LRRTM3: variants seen among roughly 807,000 people sequenced by gnomAD.
LRRTM3 encodes leucine rich repeat transmembrane neuronal 3, also known as leucine-rich repeat transmembrane neuronal protein 3.
LRRTM3 carries 24 observed loss-of-function variants against 44.7 expected under a neutral mutation model. The observed-to-expected ratio is 0.54, with a 90% CI of 0.39 to 0.76. The LOEUF (loss-of-function observed/expected upper bound fraction) is 0.76, where lower values mean the gene tolerates loss of function less well. Among genes scored for constraint, LRRTM3 ranks in the 30% least tolerant of loss-of-function variants. LRRTM3 has a pLI of 0.00. For synonymous variants in LRRTM3, 277 were observed against 278.7 expected, an observed-to-expected ratio of 0.99 and a Z score of 0.06; for missense variants, 587 against 702.2, an observed-to-expected ratio of 0.84 and a Z score of 1.85.
chr10:67,083,220 TA>T (rs1278012958), intron 2 of LRRTM3, among the ~76,000 whole-genome samples: 2 of 152,054 alleles, frequency 1.3e-5, no homozygotes, highest in African/African-American at 2.4e-5. Flanking sequence ...TGTCCTCAAG[TA>T]AAAAGAAAGT....
At chr10:67,031,076 C>T (rs1413648440) in intron 2 of LRRTM3, among the ~76,000 whole-genome samples, 3 of 152,214 alleles carry the variant, frequency 2.0e-5, no homozygotes, top group Non-Finnish European at 4.4e-5. Flanking sequence ...TTTACCCCGT[C>T]ATACTTGACT....
chr10:66,953,073 G>A (rs570824951), intron 2 of LRRTM3, among the ~76,000 whole-genome samples: 1 of 152,182 alleles, frequency 6.6e-6, no homozygotes, highest in East Asian at 1.9e-4. Context: ...CTAGTGTACA[G>A]AGAAACCAAC....
chr10:67,000,283 T>G (rs1851602892), intron 2 of LRRTM3, among the ~76,000 whole-genome samples: 1 of 152,156 alleles, frequency 6.6e-6, no homozygotes, highest in Non-Finnish European at 1.5e-5. Context: ...TCCTCTTACA[T>G]AAATAATTGG....
chr10:66,934,169 T>A (rs1847562968), intron 2 of LRRTM3, among the ~76,000 whole-genome samples: 1 of 152,014 alleles, frequency 6.6e-6, no homozygotes, highest in South Asian at 2.1e-4. Context: ...GCAATAATAA[T>A]CCATTTTATT....
chr10:67,003,231 T>C (rs893501787), intron 2 of LRRTM3, among the ~76,000 whole-genome samples: 2 of 152,196 alleles, frequency 1.3e-5, no homozygotes, highest in Non-Finnish European at 2.9e-5. Context: ...ACTAATAATA[T>C]TGGGGAATAA....
intron 2 of LRRTM3, among the ~76,000 whole-genome samples, chr10:67,026,113 T>A: frequency 9.9e-6 from 1 of 100,724 alleles, no homozygotes; most frequent in South Asian, 3.9e-4. Context: ...TGTTGTGGGG[T>A]GAGGGGAGGG....
At chr10:66,976,596 G>T (rs901131793) in intron 2 of LRRTM3, among the ~76,000 whole-genome samples, 8 of 152,052 alleles carry the variant, frequency 5.3e-5, no homozygotes, top group African/African-American at 1.7e-4. Context: ...AAGAAAAATG[G>T]TCATATTCCC....
chr10:67,027,846 C>A (rs1645972257), intron 2 of LRRTM3, among the ~76,000 whole-genome samples: 1 of 152,090 alleles, frequency 6.6e-6, no homozygotes, highest in African/African-American at 2.4e-5. Flanking sequence ...TTAAAATTTA[C>A]ACTGATAGAT....
rs573333976 is a variant in LRRTM3, at chr10:67,041,893, T to C, written c.1537-55694T>C. Among the ~76,000 whole-genome samples the C allele has an allele frequency of 2.8e-4, 42 of 152,240 alleles. No individual in the cohort carries two copies. The South Asian group carries it at 8.3e-3, about 30-fold the overall frequency. ...AATGATTCATTCTCCCCCTGTGGGA[T>C]TGGGATCACATTCATAAAAGCAATT... On this transcript the variant is annotated intron_variant, in intron 2 of 2. Coordinates refer to ENST00000361320, the MANE Select transcript of LRRTM3 (RefSeq NM_178011.5).
chr10:67,054,996 A>C (rs2133199506), intron 2 of LRRTM3: 1 of 152,304 alleles, frequency 6.6e-6, no homozygotes, highest in East Asian at 1.9e-4. Context: ...TCTTAATTAA[A>C]AATAAAATAT....
At chr10:67,055,917 A>G (rs1700517495) in intron 2 of LRRTM3, among the ~76,000 whole-genome samples, 1 of 152,130 alleles carries the variant, frequency 6.6e-6, no homozygotes, top group Non-Finnish European at 1.5e-5. Context: ...ATTCTGGTCA[A>G]GGAGGAATAT....
chr10:66,962,896 G>A, intron 2 of LRRTM3, among the ~76,000 whole-genome samples: 1 of 152,024 alleles, frequency 6.6e-6, no homozygotes, highest in South Asian at 2.1e-4. Context: ...CCCCATAAAG[G>A]CTGAGATTTT....
At position 66,979,252 on chromosome 10, in the gene LRRTM3, G is replaced by C. The variant is rs61866214; in HGVS notation, c.1536+50800G>C. Among the ~76,000 whole-genome samples the C allele has an allele frequency of 4.7e-3, 711 of 152,192 alleles. 1 individual carries two copies. The highest frequency in any genetic ancestry group is 0.014 in the Middle Eastern group (4 of 292). On this transcript the variant is annotated intron_variant, in intron 2 of 2. Transcript: ENST00000361320. Reference sequence around the variant, plus strand: ...CAAAGTGCTGGGATTACAGGCATGAGCCACCATGCCTGGTCATAACTATTT... The same window carrying C: ...CAAAGTGCTGGGATTACAGGCATGACCCACCATGCCTGGTCATAACTATTT...
chr10:67,039,324 T>TA (rs1234092850), intron 2 of LRRTM3, among the ~76,000 whole-genome samples: 1 of 152,124 alleles, frequency 6.6e-6, no homozygotes, highest in Non-Finnish European at 1.5e-5. Flanking sequence ...ACATAAATGC[T>TA]AAAATAAGTT....
intron 2 of LRRTM3, among the ~76,000 whole-genome samples, chr10:67,053,807 T>C (rs921958813): frequency 1.3e-5 from 2 of 152,182 alleles, no homozygotes; most frequent in African/African-American, 4.8e-5. Context: ...CCATTGAGAT[T>C]AATCTTTTGA....
chr10:66,962,633 G>A lies in LRRTM3; in HGVS notation c.1536+34181G>A, dbSNP rs12252372. Among the ~76,000 whole-genome samples the A allele has an allele frequency of 7.5e-3, 1,138 of 151,756 alleles. 16 individuals carry two copies. The highest frequency in any genetic ancestry group is 0.026 in the African/African-American group (1,083 of 41,372). ...TCACCATGTTGGCCAGGATGTTCTC[G>A]ATCTCCTGATCTCGTGATCTGCCTG... On this transcript the variant is annotated intron_variant, in intron 2 of 2. Transcript: ENST00000361320.
chr10:67,086,943 C>A (rs941371205), intron 2 of LRRTM3, among the ~76,000 whole-genome samples: 1 of 151,656 alleles, frequency 6.6e-6, no homozygotes, highest in Non-Finnish European at 1.5e-5. Context: ...CTACAATTTC[C>A]AAGGGGATTA....
At chr10:66,935,400 A>T (rs1274237656) in intron 2 of LRRTM3, among the ~76,000 whole-genome samples, 1 of 152,114 alleles carries the variant, frequency 6.6e-6, no homozygotes, top group African/African-American at 2.4e-5. Flanking sequence ...CTTTGAGATT[A>T]GTGTTGGCAT....
At chr10:67,006,960 AT>A (rs1415641953) in intron 2 of LRRTM3, among the ~76,000 whole-genome samples, 3 of 151,864 alleles carry the variant, frequency 2.0e-5, no homozygotes, top group Non-Finnish European at 4.4e-5. Flanking sequence ...CGTCCAGCTA[AT>A]TTTTTTGTGT....
Sources: gnomAD v4.1 joint callset for allele counts (sites outside exome capture counted in the v4.1 genomes callset) on GRCh38, gnomAD v4.1.1 for gene constraint, MANE v1.5 for transcripts, NCBI Gene and HGNC (gene_info 2026-07-23, HGNC 2026-07-21) for gene names.